The following WDR44 variants were observed in gnomAD, a reference collection of about 807,000 sequenced individuals.
WDR44 encodes WD repeat-containing protein 44.
In WDR44, 9 loss-of-function variants were observed where a neutral mutation model predicts 65.7. That is an observed-to-expected ratio of 0.14 (90% confidence interval 0.08 to 0.24). The LOEUF (loss-of-function observed/expected upper bound fraction) is 0.24. Ranked by LOEUF, WDR44 falls within the 10% of genes least tolerant of loss-of-function variation. The probability of loss-of-function intolerance (pLI) is 1.00; values close to 1 mark genes in which losing one functional copy is unlikely to be tolerated. For synonymous variants in WDR44, 220 were observed against 235.2 expected (o/e 0.94, Z 0.59); for missense variants, 425 against 670.9 (o/e 0.63, Z 4.05).
chrX:118,394,071 T>A lies in WDR44; in HGVS notation c.843T>A (p.Ile281=), dbSNP rs1394586314. 14 of 1,207,728 alleles carry A rather than the reference T, an allele frequency of 1.2e-5. No homozygotes were observed. Among genetic ancestry groups the A allele is most frequent in the Non-Finnish European group, 1.6e-5 (14 of 893,297 alleles). ...TCATTGCAGTTCCCAAAGAGAATAT[T>A]ACGTCTGATTCTCTCCTAACCGCAA... The part of the protein sequence containing the change: ...TPDIDVPKEN[I]TSDSLLTASM... The change falls in exon 5 of 20, where the codon ATT becomes ATA. Residue 281 remains isoleucine (I), a synonymous_variant. Transcript: ENST00000254029.
chrX:118,417,438 A>C (rs1370547646), intron 12 of WDR44, among the ~76,000 whole-genome samples: 1 of 111,593 alleles, frequency 9.0e-6, no homozygotes, highest in Non-Finnish European at 1.9e-5. Flanking sequence ...TCCTTCATAT[A>C]TGATACTTAG....
intron 12 of WDR44, among the ~76,000 whole-genome samples, chrX:118,427,902 C>G (rs1371275411): frequency 9.2e-6 from 1 of 109,042 alleles, no homozygotes; most frequent in Non-Finnish European, 1.9e-5. Flanking sequence ...GTCTTGATCT[C>G]CTGACCTCAT....
rs757542334 is a variant in WDR44, at chrX:118,368,459, C to CTATATATA, written c.78-9945_78-9938dup. On this transcript the variant is annotated intron_variant, in intron 1 of 19. Transcript: ENST00000254029. ...CCACATACATGTTTTGAAATAGTGACTATATATATATATATATATATACTT... is the reference window on the plus strand; with the variant it reads ...CCACATACATGTTTTGAAATAGTGACTATATATATATATATATATATATATATATACTT... Among the ~76,000 whole-genome samples, 124 of 72,873 alleles carry CTATATATA rather than the reference C, an allele frequency of 1.7e-3. 9 individuals carry two copies. Among genetic ancestry groups the CTATATATA allele is most frequent in the Middle Eastern group, 6.7e-3 (1 of 150 alleles). The allele number at this position is 72,873 out of a possible 115,157, so 63.3% of individuals were successfully genotyped here.
intron 3 of WDR44, among the ~76,000 whole-genome samples, chrX:118,391,741 T>C (rs888248955): frequency 1.8e-5 from 2 of 112,219 alleles, no homozygotes; most frequent in Admixed American, 9.5e-5. Context: ...CCCAGCACTT[T>C]GGGAGGCTGA....
At chrX:118,400,300 A>G (rs2056900792) in intron 8 of WDR44, among the ~76,000 whole-genome samples, 1 of 111,231 alleles carries the variant, frequency 9.0e-6, no homozygotes. Flanking sequence ...GGGAACCAAT[A>G]GTATGGCCCA....
chrX:118,414,026 T>A (rs1350146248), intron 12 of WDR44, among the ~76,000 whole-genome samples: 1 of 111,285 alleles, frequency 9.0e-6, no homozygotes, highest in Non-Finnish European at 1.9e-5. Context: ...TTCTCTATTG[T>A]TTTCCATTGG....
chrX:118,382,824 A>G (rs1009521951), intron 2 of WDR44, among the ~76,000 whole-genome samples: 6 of 112,177 alleles, frequency 5.3e-5, no homozygotes, highest in African/African-American at 1.3e-4. Flanking sequence ...ATACCATGAT[A>G]GATAGGAGTT....
At chrX:118,378,676 TTTTA>T (rs1476669114) in intron 2 of WDR44, among the ~76,000 whole-genome samples, 2 of 105,986 alleles carry the variant, frequency 1.9e-5, no homozygotes, top group African/African-American at 7.0e-5. Context: ...TTCTACTGAT[TTTTA>T]TTTGTTTATA....
rs1344960321 is a variant in WDR44 at position 118,346,280 on chromosome X, C to T, written c.-224C>T. On this transcript the variant is annotated 5_prime_UTR_variant, in exon 1 of 20. Transcript: ENST00000254029. Reference sequence around the variant, plus strand: ...TGGCAGCAACATTCCCTGGACCAACCGCCGCCTCTTCAGGCGGCCGCTTTG... The same window carrying T: ...TGGCAGCAACATTCCCTGGACCAACTGCCGCCTCTTCAGGCGGCCGCTTTG... The T allele has an allele frequency of 2.4e-6, 1 of 412,902 alleles. No homozygotes were observed. The highest frequency in any genetic ancestry group is 4.2e-6 in the Non-Finnish European group (1 of 237,958). 34.0% of individuals were successfully genotyped at this position (412,902 alleles called of 1,213,427 possible). A position where few individuals can be genotyped will look rare whatever the true frequency, so the allele number is the denominator to read the frequency against.
At chrX:118,399,098 C>T (rs763079807) in intron 8 of WDR44, among the ~76,000 whole-genome samples, 2 of 111,992 alleles carry the variant, frequency 1.8e-5, no homozygotes, top group Non-Finnish European at 3.8e-5. Context: ...CTAAACCCAA[C>T]TATAATGAGA....
rs984893017 is a variant in WDR44, at chrX:118,346,431, C to A, written c.-73C>A. 1 of 971,490 alleles carries A rather than the reference C, an allele frequency of 1.0e-6. No homozygotes were observed. The highest frequency in any genetic ancestry group is 2.0e-5 in the South Asian group (1 of 51,093). 80.1% of individuals were successfully genotyped at this position (971,490 alleles called of 1,213,427 possible). On this transcript the variant is annotated 5_prime_UTR_variant, in exon 1 of 20. Coordinates refer to ENST00000254029, the MANE Select transcript of WDR44 (RefSeq NM_019045.5). ...TCCCCAGTCTCGCCCGGGTGGAGGT[C>A]GACGAGGAGGAGACAAGAGTCACCC...
At chrX:118,354,271 A>C (rs1443910719) in intron 1 of WDR44, among the ~76,000 whole-genome samples, 1 of 110,257 alleles carries the variant, frequency 9.1e-6, no homozygotes, top group Non-Finnish European at 1.9e-5. Flanking sequence ...TTTAAAAATT[A>C]GTTGGACATG....
chrX:118,420,355 G>C (rs2057094019), intron 12 of WDR44, among the ~76,000 whole-genome samples: 1 of 110,482 alleles, frequency 9.1e-6, no homozygotes, highest in Non-Finnish European at 1.9e-5. Flanking sequence ...CGGGTTCAAG[G>C]GGTTCTCCTG....
intron 2 of WDR44, among the ~76,000 whole-genome samples, chrX:118,385,512 G>A (rs183535139): frequency 1.8e-5 from 2 of 111,467 alleles, no homozygotes; most frequent in Admixed American, 9.6e-5. Flanking sequence ...AGAGGGTGAA[G>A]GGTGGGAGGA....
At chrX:118,423,507 T>G (rs956059774) in intron 12 of WDR44, among the ~76,000 whole-genome samples, 5 of 112,104 alleles carry the variant, frequency 4.5e-5, no homozygotes, top group Non-Finnish European at 9.4e-5. Context: ...GAGGTATGAT[T>G]GGTATTCAAA....
At chrX:118,443,092 A>G (rs940030862) in intron 17 of WDR44, among the ~76,000 whole-genome samples, 5 of 111,276 alleles carry the variant, frequency 4.5e-5, no homozygotes, top group African/African-American at 1.6e-4. Flanking sequence ...GCATTTTAAC[A>G]CCCCACAGCA....
At chrX:118,416,201 G>GTAA (rs1269249676) in intron 12 of WDR44, among the ~76,000 whole-genome samples, 1 of 111,202 alleles carries the variant, frequency 9.0e-6, no homozygotes, top group African/African-American at 3.3e-5. Flanking sequence ...TCTGATCTTG[G>GTAA]TAATTTCCTT....
intron 1 of WDR44, among the ~76,000 whole-genome samples, chrX:118,376,354 T>C (rs2056659741): frequency 1.8e-5 from 2 of 111,670 alleles, no homozygotes; most frequent in South Asian, 7.4e-4. Flanking sequence ...CATTACCCAG[T>C]TTGGCATATA....
intron 9 of WDR44, among the ~76,000 whole-genome samples, chrX:118,406,393 CCT>C (rs1341408949): frequency 9.1e-6 from 1 of 110,331 alleles, no homozygotes; most frequent in Non-Finnish European, 1.9e-5. Flanking sequence ...TAGTGAGACC[CCT>C]GTTTGTATAA....
Sources: gnomAD v4.1 joint callset for allele counts (sites outside exome capture counted in the v4.1 genomes callset) on GRCh38, gnomAD v4.1.1 for gene constraint, MANE v1.5 for transcripts, NCBI Gene and HGNC (gene_info 2026-07-23, HGNC 2026-07-21) for gene names.